The following UGT1A9 variants were observed in gnomAD, a reference collection of about 807,000 sequenced individuals.
The protein encoded by UGT1A9 is UDP glucuronosyltransferase family 1 member A9, also known as UDP-glucuronosyltransferase 1A9.
A neutral mutation model predicts 45.0 loss-of-function variants in UGT1A9; 35 were observed. That is an observed-to-expected ratio of 0.78 (90% CI 0.59 to 1.03). UGT1A9 has a LOEUF of 1.03. Among genes scored for constraint, UGT1A9 ranks in the 50% least tolerant of loss-of-function variants. UGT1A9 has a pLI of 0.00. For synonymous variants in UGT1A9, 278 were observed against 250.6 expected (o/e 1.11, Z -1.03); for missense variants, 687 against 666.6 (o/e 1.03, Z -0.34).
chr2:233,751,938 T>C (rs1430674262), intron 1 of UGT1A9, among the ~76,000 whole-genome samples: 3 of 152,190 alleles, frequency 2.0e-5, no homozygotes, highest in South Asian at 2.1e-4. Flanking sequence ...ATTGAAGTTA[T>C]ACTGAAAGGG....
Position 233,672,618 on chromosome 2 carries a change from A to G in UGT1A9, c.684A>G (p.Leu228=), listed in dbSNP as rs146422336. ...LLCHRFFKNA[L]EIASEILQTP... Reference sequence around the variant, plus strand: ...GCCACCGTTTTTTCAAAAATGCCCTAGAAATAGCCTCTGAAATTCTCCAAA... The same window carrying G: ...GCCACCGTTTTTTCAAAAATGCCCTGGAAATAGCCTCTGAAATTCTCCAAA... The change falls in exon 1 of 5, where the codon CTA becomes CTG. Residue 228 remains leucine, a synonymous_variant. Coordinates refer to ENST00000354728, the MANE Select transcript of UGT1A9 (RefSeq NM_021027.3). The G allele has an allele frequency of 1.5e-5, 24 of 1,613,918 alleles. No homozygotes were observed. In the African/African-American group the frequency reaches 2.8e-4, roughly 19 times the overall value.
chr2:233,746,859 GC>G lies in UGT1A9; in HGVS notation c.856-20173del, dbSNP rs776256702. Among the ~76,000 whole-genome samples the G allele has an allele frequency of 2.4e-3, 366 of 151,912 alleles. 1 individual carries two copies. Among genetic ancestry groups the G allele is most frequent in the Non-Finnish European group, 3.4e-3 (229 of 68,008 alleles). ...GGGGACCTCTCAGACCTCAGCTGCA[GC>G]CTGATAAACGTGGTTAACAGAGAAG... On this transcript the variant is annotated intron_variant, in intron 1 of 4. Coordinates refer to ENST00000354728, the MANE Select transcript of UGT1A9 (RefSeq NM_021027.3).
At chr2:233,722,804 C>G (rs1575543281) in intron 1 of UGT1A9, among the ~76,000 whole-genome samples, 2 of 147,930 alleles carry the variant, frequency 1.4e-5, no homozygotes, top group Non-Finnish European at 3.0e-5. Context: ...TCATCTCCCT[C>G]TTATTTTTTC....
At chr2:233,761,102 T>C (rs1487885628) in intron 1 of UGT1A9, 1 of 1,614,116 alleles carries the variant, frequency 6.2e-7, no homozygotes, top group Admixed American at 1.7e-5. Context: ...ATGCCCAATA[T>C]GGTTTTTGTT....
chr2:233,760,476 C>G (rs191471887), intron 1 of UGT1A9: 1 of 1,614,200 alleles, frequency 6.2e-7, no homozygotes, highest in Non-Finnish European at 8.5e-7. Context: ...TAGCACCTGA[C>G]GCCTCGTTGT....
intron 1 of UGT1A9, among the ~76,000 whole-genome samples, chr2:233,709,075 C>T (rs1045391498): frequency 6.6e-6 from 1 of 152,098 alleles, no homozygotes; most frequent in Non-Finnish European, 1.5e-5. Flanking sequence ...GTTCTTCTGC[C>T]TCATTGGCTC....
Position 233,772,333 on chromosome 2 carries a change from T to C in UGT1A9, c.1367T>C (p.Val456Ala). The part of the protein sequence containing the change: ...DRPVEPLDLA[V>A]FWVEFVMRHK... Reference sequence around the variant, plus strand: ...CCGGTGGAGCCGCTGGACCTGGCCGTGTTCTGGGTGGAGTTTGTGATGAGG... The same window carrying C: ...CCGGTGGAGCCGCTGGACCTGGCCGCGTTCTGGGTGGAGTTTGTGATGAGG... The change falls in exon 5 of 5, where the codon GTG becomes GCG. Residue 456 changes from valine (V) to alanine (A), a missense_variant. Physicochemically the swap from Val to Ala is moderately conservative, Grantham distance 64 (BLOSUM62 0). Coordinates refer to ENST00000354728, the MANE Select transcript of UGT1A9 (RefSeq NM_021027.3). 6.2e-7 allele frequency: 1 copy of C among 1,614,126 alleles called. No individual in the cohort carries two copies. Among genetic ancestry groups the C allele is most frequent in the Non-Finnish European group, 8.5e-7 (1 of 1,180,008 alleles).
intron 1 of UGT1A9, among the ~76,000 whole-genome samples, chr2:233,714,661 A>G (rs2076404263): frequency 6.6e-6 from 1 of 152,228 alleles, no homozygotes; most frequent in African/African-American, 2.4e-5. Context: ...TTATTTAACC[A>G]GATGTATCCC....
At chr2:233,680,173 T>A (rs2074477483) in intron 1 of UGT1A9, among the ~76,000 whole-genome samples, 1 of 152,200 alleles carries the variant, frequency 6.6e-6, no homozygotes, top group South Asian at 2.1e-4. Context: ...TTTTCTTTGC[T>A]TCTTGGGAGT....
intron 1 of UGT1A9, among the ~76,000 whole-genome samples, chr2:233,737,512 C>T (rs2078888926): frequency 6.6e-6 from 1 of 152,170 alleles, no homozygotes; most frequent in African/African-American, 2.4e-5. Context: ...CTTGCACTTC[C>T]TAGGTGAGGC....
intron 1 of UGT1A9, among the ~76,000 whole-genome samples, chr2:233,749,044 C>T (rs1240324138): frequency 6.6e-6 from 1 of 151,716 alleles, no homozygotes. Context: ...TGATGTGGTA[C>T]TCTGGGACCT....
rs773383083 is a variant in UGT1A9, at chr2:233,761,070, G to A, written c.856-5964G>A. 1.4e-5 allele frequency: 23 copies of A among 1,614,070 alleles called. No individual in the cohort carries two copies. The East Asian group carries it at 4.5e-4, about 31-fold the overall frequency. On this transcript the variant is annotated intron_variant, in intron 1 of 4. Transcript: ENST00000354728. ...TCTGGCTGTTTAGAAGTGACTTTGT[G>A]AAGGATTACCCTAGGCCCATCATGC...
intron 1 of UGT1A9, among the ~76,000 whole-genome samples, chr2:233,712,282 C>T (rs1209135273): frequency 6.6e-6 from 1 of 152,248 alleles, no homozygotes; most frequent in Non-Finnish European, 1.5e-5. Context: ...AGCAGCACCT[C>T]TTCTTCCATG....
Position 233,751,190 on chromosome 2 carries a change from G to C in UGT1A9, c.856-15844G>C, listed in dbSNP as rs551144438. Among the ~76,000 whole-genome samples the C allele has an allele frequency of 1.2e-4, 18 of 152,080 alleles. 2 individuals carry two copies. Among genetic ancestry groups the C allele is most frequent in the African/African-American group, 4.4e-4 (18 of 41,324 alleles). ...CCTAGATATGAGACATGAAGTTAAA[G>C]GTGATAATTTTGGAGCTTTAAGATT... On this transcript the variant is annotated intron_variant, in intron 1 of 4. Transcript: ENST00000354728.
chr2:233,725,175 T>C (rs1280099835), intron 1 of UGT1A9, among the ~76,000 whole-genome samples: 1 of 81,992 alleles, frequency 1.2e-5, no homozygotes, highest in African/African-American at 7.9e-5. Context: ...AGGGAGACCG[T>C]GGGGAGAGGC....
chr2:233,730,079 T>A, intron 1 of UGT1A9: 1 of 1,605,320 alleles, frequency 6.2e-7, no homozygotes, highest in African/African-American at 1.3e-5. Context: ...CTTCCATATT[T>A]ACTTATCTTT....
Position 233,713,355 on chromosome 2 carries a change from T to C in UGT1A9, c.855+40566T>C, listed in dbSNP as rs1432041906. 4 of 1,614,234 alleles carry C rather than the reference T, an allele frequency of 2.5e-6. No individual in the cohort carries two copies. In the East Asian group the frequency reaches 8.9e-5, roughly 36 times the overall value. On this transcript the variant is annotated intron_variant, in intron 1 of 4. Coordinates refer to ENST00000354728, the MANE Select transcript of UGT1A9 (RefSeq NM_021027.3). ...AATGGCAATTATGAACAATATGTCT[T>C]TGATCATACATAGGTCTTGTGTGGA...
intron 1 of UGT1A9, chr2:233,754,890 C>T (rs1695628658): frequency 1.5e-6 from 2 of 1,351,546 alleles, no homozygotes; most frequent in Non-Finnish European, 2.0e-6. Context: ...CAGGGAGTTC[C>T]TCTGACCCCC....
chr2:233,739,208 T>A lies in UGT1A9; in HGVS notation c.856-27826T>A, dbSNP rs185605986. 2.6e-3 allele frequency among the ~76,000 whole-genome samples: 389 copies of A among 152,338 alleles called. 3 individuals are homozygous for A. Among genetic ancestry groups the A allele is most frequent in the Non-Finnish European group, 3.9e-3 (262 of 68,030 alleles). On this transcript the variant is annotated intron_variant, in intron 1 of 4. Coordinates refer to ENST00000354728, the MANE Select transcript of UGT1A9 (RefSeq NM_021027.3). ...GATGTCCAGGCAGACGTTTGCTGCA[T>A]GGATAGAGTCCTTATAGAGAACCTC...
Sources: allele counts gnomAD v4.1 joint callset (sites outside exome capture counted in the v4.1 genomes callset), GRCh38; gene constraint gnomAD v4.1.1; transcripts MANE v1.5; gene names NCBI Gene and HGNC (gene_info 2026-07-23, HGNC 2026-07-21).